Variants in PARD3 observed in about 807,000 individuals in gnomAD.
PARD3 encodes par-3 family cell polarity regulator.
A neutral mutation model predicts 155.4 loss-of-function variants in PARD3; 75 were observed. The observed-to-expected ratio is 0.48, with a 90% CI of 0.40 to 0.58. PARD3 has a LOEUF of 0.58. PARD3 is among the 20% of genes least tolerant of loss of function. The probability of loss-of-function intolerance (pLI) is 0.00; values close to 1 mark genes in which losing one functional copy is unlikely to be tolerated. For missense variants in PARD3, 1,642 were observed against 1,721.7 expected (o/e 0.95, Z 0.82); for synonymous variants, 576 against 610.5 (o/e 0.94, Z 0.83).
chr10:34,426,709 C>T (rs2075626458), intron 5 of PARD3: 1 of 151,854 alleles, frequency 6.6e-6, no homozygotes, highest in Non-Finnish European at 1.5e-5. Flanking sequence ...TGTAGGAGAC[C>T]TTCAATAAGT....
At chr10:34,636,964 A>G (rs2092500253) in intron 2 of PARD3, among the ~76,000 whole-genome samples, 1 of 152,240 alleles carries the variant, frequency 6.6e-6, no homozygotes. Flanking sequence ...TTACGGAGCA[A>G]GAAAGTTGAG....
chr10:34,282,805 C>T (rs1287329231), intron 21 of PARD3, among the ~76,000 whole-genome samples: 2 of 152,050 alleles, frequency 1.3e-5, no homozygotes, highest in African/African-American at 2.4e-5. Context: ...TCACTAAATG[C>T]TATGGCACAC....
At chr10:34,562,890 G>C (rs6481902) in intron 2 of PARD3, among the ~76,000 whole-genome samples, 7,717 of 151,880 alleles carry the variant, frequency 0.051, 592 homozygotes, top group African/African-American at 0.17. Context: ...TCCCACAACA[G>C]CCTCCCAAGT....
rs532093656 is a variant in PARD3, at chr10:34,583,708, T to C, written c.223-66549A>G. The stretch of plus-strand genomic sequence containing the variant: ...TGCACAGATGAAATAAGAGAATATA[T>C]GTGAATCTACTTTGTAAACACTAAA... On this transcript the variant is annotated intron_variant, in intron 2 of 24. Transcript: ENST00000374788. Among the ~76,000 whole-genome samples, 5 of 152,290 alleles carry C rather than the reference T, an allele frequency of 3.3e-5. 1 individual carries two copies. In the South Asian group the frequency reaches 8.3e-4, roughly 25 times the overall value.
chr10:34,419,425 G>A (rs997920735), intron 5 of PARD3, among the ~76,000 whole-genome samples: 1 of 152,150 alleles, frequency 6.6e-6, no homozygotes, highest in African/African-American at 2.4e-5. Flanking sequence ...GCTGAGACAG[G>A]AGAATTGCTT....
At chr10:34,233,973 C>T (rs1050170129) in intron 22 of PARD3, among the ~76,000 whole-genome samples, 4 of 152,152 alleles carry the variant, frequency 2.6e-5, no homozygotes, top group African/African-American at 9.7e-5. Flanking sequence ...TCTTCTACTT[C>T]CAACACCTGT....
At chr10:34,511,676 T>A (rs976826527) in intron 3 of PARD3, among the ~76,000 whole-genome samples, 9 of 152,340 alleles carry the variant, frequency 5.9e-5, no homozygotes, top group African/African-American at 2.2e-4. Context: ...TTCCTCTTCA[T>A]CTACTATTTG....
chr10:34,655,610 A>G (rs1471674473), intron 2 of PARD3, among the ~76,000 whole-genome samples: 1 of 152,174 alleles, frequency 6.6e-6, no homozygotes, highest in Non-Finnish European at 1.5e-5. Context: ...CCAACCCCGC[A>G]GAAGAGGGCA....
chr10:34,266,229 T>TTA (rs10657163), intron 22 of PARD3, among the ~76,000 whole-genome samples: 71 of 149,118 alleles, frequency 4.8e-4, no homozygotes, highest in African/African-American at 1.7e-3. Flanking sequence ...TGTCTTTCTA[T>TTA]AAAAAAAAAA....
chr10:34,458,285 C>T (rs1217574754), intron 4 of PARD3, among the ~76,000 whole-genome samples: 1 of 152,128 alleles, frequency 6.6e-6, no homozygotes, highest in African/African-American at 2.4e-5. Context: ...TCACTGAAGC[C>T]TCAACCTCCC....
intron 5 of PARD3, among the ~76,000 whole-genome samples, chr10:34,404,646 G>T (rs533965910): frequency 5.3e-5 from 8 of 151,766 alleles, no homozygotes; most frequent in African/African-American, 1.7e-4. Flanking sequence ...TCATAGCAGA[G>T]TACAGACATT....
At chr10:34,136,047 G>A (rs1947878994) in intron 22 of PARD3, among the ~76,000 whole-genome samples, 1 of 152,160 alleles carries the variant, frequency 6.6e-6, no homozygotes, top group South Asian at 2.1e-4. Flanking sequence ...TTCTAGGTAA[G>A]CCAAATAACA....
intron 23 of PARD3, among the ~76,000 whole-genome samples, chr10:34,129,481 G>A (rs887080137): frequency 2.0e-5 from 3 of 152,126 alleles, no homozygotes; most frequent in African/African-American, 7.2e-5. Context: ...TCTTGGTTGA[G>A]AGATAAGAAA....
At chr10:34,509,021 G>A (rs2081250210) in intron 3 of PARD3, among the ~76,000 whole-genome samples, 1 of 152,152 alleles carries the variant, frequency 6.6e-6, no homozygotes, top group Non-Finnish European at 1.5e-5. Flanking sequence ...GTCCAAGATG[G>A]TGTGACTCTC....
At chr10:34,296,957 A>G (rs1465940437) in intron 20 of PARD3, among the ~76,000 whole-genome samples, 1 of 152,152 alleles carries the variant, frequency 6.6e-6, no homozygotes, top group East Asian at 1.9e-4. Flanking sequence ...CCAACTGACC[A>G]ACAAACAAGA....
intron 22 of PARD3, among the ~76,000 whole-genome samples, chr10:34,142,995 A>G (rs1564427747): frequency 6.6e-6 from 1 of 152,202 alleles, no homozygotes; most frequent in Non-Finnish European, 1.5e-5. Context: ...TTGACAAACT[A>G]AAAAGAGTGA....
chr10:34,555,486 C>A (rs1418514381), intron 2 of PARD3, among the ~76,000 whole-genome samples: 1 of 151,942 alleles, frequency 6.6e-6, no homozygotes, highest in Non-Finnish European at 1.5e-5. Flanking sequence ...AATTTTATAT[C>A]ATAAATAATT....
intron 1 of PARD3, among the ~76,000 whole-genome samples, chr10:34,806,514 G>GT (rs1423635087): frequency 6.6e-6 from 1 of 151,842 alleles, no homozygotes; most frequent in African/African-American, 2.4e-5. Context: ...TTTTTAAAAA[G>GT]AGACGGGGTC....
chr10:34,255,189 T>G (rs958005485), intron 22 of PARD3, among the ~76,000 whole-genome samples: 1 of 151,982 alleles, frequency 6.6e-6, no homozygotes, highest in South Asian at 2.1e-4. Context: ...CTTTGTGAAA[T>G]ACAGAGAAAA....
Sources: gnomAD v4.1 joint callset for allele counts (sites outside exome capture counted in the v4.1 genomes callset) on GRCh38, gnomAD v4.1.1 for gene constraint, MANE v1.5 for transcripts, NCBI Gene and HGNC (gene_info 2026-07-23, HGNC 2026-07-21) for gene names.